Variants in TMEM17 observed in about 807,000 individuals in gnomAD.
TMEM17 encodes transmembrane protein 17.
A neutral mutation model predicts 19.1 loss-of-function variants in TMEM17; 15 were observed. The observed-to-expected ratio is 0.78, with a 90% confidence interval of 0.52 to 1.21. TMEM17 has a LOEUF of 1.21. Among genes scored for constraint, TMEM17 ranks in the 50% most tolerant of loss-of-function variants. The pLI is 0.00. For synonymous variants in TMEM17, 103 were observed against 86.9 expected (o/e 1.19, Z -1.03); for missense variants, 245 against 242.3 (o/e 1.01, Z -0.07).
chr2:62,468,436 A>G, the TMEM17 span, among the ~76,000 whole-genome samples: 3 of 152,258 alleles, frequency 2.0e-5, no homozygotes, highest in Non-Finnish European at 2.9e-5. Context: ...TCCAAGGGAC[A>G]GTCATCTTTG....
At chr2:62,499,147 T>C (rs1219737822), downstream of TMEM17, among the ~76,000 whole-genome samples, 1 of 152,214 alleles carries the variant, frequency 6.6e-6, no homozygotes, top group African/African-American at 2.4e-5. Context: ...GCAAAATTAC[T>C]TGAAATTTTT....
At position 62,501,159 on chromosome 2, in the gene TMEM17, T is replaced by A; in HGVS notation, c.*50A>T. 6.4e-7 allele frequency: 1 copy of A among 1,571,430 alleles called. No individual in the cohort carries two copies. Among genetic ancestry groups the A allele is most frequent in the Non-Finnish European group, 8.6e-7 (1 of 1,156,766 alleles). On this transcript the variant is annotated 3_prime_UTR_variant, in exon 4 of 4. Transcript: ENST00000335390. ...CTCAGAGCTCTGATATTTTCCTAAC[T>A]CTTACAGTCTCTAGAATGATCTGTC... is the stretch of plus-strand genomic sequence containing the variant.
the TMEM17 span, among the ~76,000 whole-genome samples, chr2:62,469,156 G>A: frequency 6.6e-6 from 1 of 152,196 alleles, no homozygotes; most frequent in Non-Finnish European, 1.5e-5. Flanking sequence ...GCAACACTTA[G>A]TACAGAAGAA....
At chr2:62,479,311 A>G in the TMEM17 span, among the ~76,000 whole-genome samples, 4 of 152,196 alleles carry the variant, frequency 2.6e-5, no homozygotes, top group African/African-American at 9.7e-5. Context: ...GAAGGGGGAC[A>G]TGCAGGGAGA....
At chr2:62,477,145 C>T in the TMEM17 span, among the ~76,000 whole-genome samples, 1 of 152,202 alleles carries the variant, frequency 6.6e-6, no homozygotes, top group Admixed American at 6.5e-5. Flanking sequence ...GCCTGTAATC[C>T]CAGCACTTTG....
At chr2:62,461,971 GC>G in the TMEM17 span, among the ~76,000 whole-genome samples, 1 of 152,260 alleles carries the variant, frequency 6.6e-6, no homozygotes, top group East Asian at 1.9e-4. Context: ...TTCGGCCCTG[GC>G]AGTCAGGCCA....
chr2:62,481,862 A>T, the TMEM17 span, among the ~76,000 whole-genome samples: 1 of 152,116 alleles, frequency 6.6e-6, no homozygotes, highest in East Asian at 1.9e-4. Flanking sequence ...TGCAGGTGAG[A>T]AAAAGGACAA....
intron 1 of TMEM17, among the ~76,000 whole-genome samples, 178 bp downstream of exon 1, chr2:62,505,852 C>A (rs144348645): frequency 0.018 from 2,762 of 152,348 alleles, 83 homozygotes; most frequent in African/African-American, 0.059. Flanking sequence ...GGCGGGAGGC[C>A]GCCAGCGCCT....
At chr2:62,502,118 T>G (rs971462823) in intron 3 of TMEM17, 2 of 176,298 alleles carry the variant, frequency 1.1e-5, no homozygotes, top group African/African-American at 4.8e-5. Context: ...CATGTTTAAG[T>G]AACCATGTAT....
At chr2:62,469,829 G>T in the TMEM17 span, among the ~76,000 whole-genome samples, 1 of 152,248 alleles carries the variant, frequency 6.6e-6, no homozygotes, top group Non-Finnish European at 1.5e-5. Flanking sequence ...TCTAGAAGCA[G>T]GCTGTCTCCT....
the TMEM17 span, among the ~76,000 whole-genome samples, chr2:62,467,290 G>A: frequency 6.6e-6 from 1 of 151,978 alleles, no homozygotes; most frequent in Non-Finnish European, 1.5e-5. Flanking sequence ...TCCCCAGGTG[G>A]TTCTCTTGTG....
the TMEM17 span, among the ~76,000 whole-genome samples, chr2:62,468,879 C>T: frequency 6.6e-6 from 1 of 152,166 alleles, no homozygotes. Context: ...TTTGACAGAG[C>T]CAAGTGTTGT....
the TMEM17 span, among the ~76,000 whole-genome samples, chr2:62,473,222 A>C: frequency 1.3e-5 from 2 of 152,308 alleles, no homozygotes; most frequent in Admixed American, 1.3e-4. Flanking sequence ...ATACCAGTGA[A>C]GTAGGTACTA....
At chr2:62,472,475 G>A in the TMEM17 span, among the ~76,000 whole-genome samples, 1 of 152,182 alleles carries the variant, frequency 6.6e-6, no homozygotes, top group African/African-American at 2.4e-5. Flanking sequence ...CGTCTCCCCT[G>A]TCTGTCTCCC....
At chr2:62,468,502 G>A in the TMEM17 span, among the ~76,000 whole-genome samples, 2 of 152,228 alleles carry the variant, frequency 1.3e-5, no homozygotes, top group Non-Finnish European at 2.9e-5. Context: ...CCTGACTTGA[G>A]CTGTTGATGT....
chr2:62,486,214 C>T, the TMEM17 span, among the ~76,000 whole-genome samples: 8 of 152,160 alleles, frequency 5.3e-5, no homozygotes, highest in African/African-American at 1.9e-4. Flanking sequence ...ATAGGGGACC[C>T]TCCAGGGCAG....
intron 3 of TMEM17, chr2:62,501,757 T>C: frequency 3.0e-6 from 1 of 329,646 alleles, no homozygotes; most frequent in East Asian, 5.4e-5. Context: ...AATAAGGGAG[T>C]GATTAGGGTA....
chr2:62,477,123 G>A, the TMEM17 span, among the ~76,000 whole-genome samples: 1 of 152,224 alleles, frequency 6.6e-6, no homozygotes, highest in African/African-American at 2.4e-5. Flanking sequence ...ACAGCCGGGA[G>A]CAGTGGCTCA....
chr2:62,503,121 T>G (rs1412971489), intron 1 of TMEM17, among the ~76,000 whole-genome samples: 1 of 152,240 alleles, frequency 6.6e-6, no homozygotes, highest in Non-Finnish European at 1.5e-5. Context: ...TATCATTGCC[T>G]CTTTTGTAGA....
Sources: gnomAD v4.1 joint callset for allele counts (sites outside exome capture counted in the v4.1 genomes callset) on GRCh38, gnomAD v4.1.1 for gene constraint, MANE v1.5 for transcripts, NCBI Gene and HGNC (gene_info 2026-07-23, HGNC 2026-07-21) for gene names.